The following FSTL5 variants were observed in gnomAD, a reference collection of about 807,000 sequenced individuals.
FSTL5 encodes follistatin like 5, also known as follistatin-related protein 5.
FSTL5 carries 62 observed loss-of-function variants against 89.1 expected under a neutral mutation model. That is an observed-to-expected ratio of 0.70 (90% CI 0.57 to 0.86). FSTL5 has a LOEUF of 0.86. Ranked by LOEUF, FSTL5 falls within the 40% of genes least tolerant of loss-of-function variation. The pLI is 0.00. For synonymous variants in FSTL5, 383 were observed against 346.2 expected, an observed-to-expected ratio of 1.11 and a Z score of -1.18; for missense variants, 1,057 against 1,001.6, an observed-to-expected ratio of 1.06 and a Z score of -0.75.
chr4:161,633,692 T>C (rs1467431721), intron 7 of FSTL5, among the ~76,000 whole-genome samples: 2 of 152,100 alleles, frequency 1.3e-5, no homozygotes, highest in Admixed American at 6.6e-5. Context: ...CTTTCTAAAA[T>C]ATCATGCTAG....
chr4:161,556,088 G>C (rs1732379708), intron 8 of FSTL5, among the ~76,000 whole-genome samples: 2 of 151,626 alleles, frequency 1.3e-5, no homozygotes, highest in South Asian at 4.1e-4. Context: ...ATACAATCTA[G>C]GAATAGATTT....
intron 4 of FSTL5, among the ~76,000 whole-genome samples, chr4:161,831,152 G>C (rs909216490): frequency 6.6e-6 from 1 of 151,730 alleles, no homozygotes; most frequent in Non-Finnish European, 1.5e-5. Flanking sequence ...CGATGGCTAT[G>C]TTCATTCTTC....
rs1368556807 is a variant in FSTL5 at position 162,058,949 on chromosome 4, G to A, written c.127-25291C>T. Among the ~76,000 whole-genome samples, 8 of 152,118 alleles carry A rather than the reference G, an allele frequency of 5.3e-5. No homozygotes were observed. The East Asian group carries it at 1.5e-3, about 29-fold the overall frequency. Reference sequence around the variant, plus strand: ...ACAATGGCATAATTGTATTGAAAATGTGAATTCACTAATTCTTTACCCTTG... The same window carrying A: ...ACAATGGCATAATTGTATTGAAAATATGAATTCACTAATTCTTTACCCTTG... On this transcript the variant is annotated intron_variant, in intron 2 of 15. Coordinates refer to ENST00000306100, the MANE Select transcript of FSTL5 (RefSeq NM_020116.5).
intron 4 of FSTL5, among the ~76,000 whole-genome samples, chr4:161,862,779 T>C (rs1419131093): frequency 6.6e-6 from 1 of 151,926 alleles, no homozygotes; most frequent in Non-Finnish European, 1.5e-5. Context: ...AACCTGGAAA[T>C]CCTCAACAGT....
intron 2 of FSTL5, among the ~76,000 whole-genome samples, chr4:162,104,035 G>A (rs577224015): frequency 1.1e-4 from 17 of 152,252 alleles, no homozygotes; most frequent in Non-Finnish European, 2.2e-4. Context: ...TCTGATCCGC[G>A]TTTGTTATGG....
At chr4:161,695,508 TCCA>T (rs1224302853) in intron 6 of FSTL5, among the ~76,000 whole-genome samples, 3 of 151,906 alleles carry the variant, frequency 2.0e-5, no homozygotes, top group Admixed American at 2.0e-4. Flanking sequence ...AGTTTCTTTA[TCCA>T]CTTGTCGATT....
intron 3 of FSTL5, among the ~76,000 whole-genome samples, chr4:162,010,520 TCAC>T (rs1475076738): frequency 1.3e-5 from 2 of 152,180 alleles, no homozygotes; most frequent in Non-Finnish European, 2.9e-5. Context: ...TGCACAACCA[TCAC>T]CACAATCTGA....
intron 15 of FSTL5, among the ~76,000 whole-genome samples, chr4:161,390,121 C>T (rs1241673385): frequency 6.6e-6 from 1 of 152,108 alleles, no homozygotes; most frequent in African/African-American, 2.4e-5. Context: ...GACAGTCTAG[C>T]TCACTCTACC....
intron 7 of FSTL5, among the ~76,000 whole-genome samples, chr4:161,633,137 G>A (rs953142907): frequency 1.3e-5 from 2 of 151,668 alleles, no homozygotes; most frequent in African/African-American, 2.4e-5. Context: ...TTTTAGGCCC[G>A]GGGTCACGTT....
intron 7 of FSTL5, among the ~76,000 whole-genome samples, chr4:161,631,746 C>A (rs533158759): frequency 2.2e-4 from 34 of 152,134 alleles, no homozygotes; most frequent in Non-Finnish European, 4.9e-4. Context: ...ACACAAATTA[C>A]TACAAAATTT....
chr4:161,952,033 T>A (rs1280859525), intron 3 of FSTL5, among the ~76,000 whole-genome samples: 1 of 152,048 alleles, frequency 6.6e-6, no homozygotes, highest in Non-Finnish European at 1.5e-5. Flanking sequence ...AATGAAAATA[T>A]AAGTATCTTG....
intron 4 of FSTL5, among the ~76,000 whole-genome samples, chr4:161,809,926 A>G (rs1369117418): frequency 6.6e-6 from 1 of 152,170 alleles, no homozygotes; most frequent in Non-Finnish European, 1.5e-5. Context: ...CCACACAACA[A>G]TGTAAAGGTA....
At chr4:161,702,311 G>A (rs1365891499) in intron 6 of FSTL5, among the ~76,000 whole-genome samples, 6 of 152,228 alleles carry the variant, frequency 3.9e-5, no homozygotes, top group African/African-American at 1.2e-4. Flanking sequence ...TGATAACGAC[G>A]TTTTAAAATT....
intron 4 of FSTL5, among the ~76,000 whole-genome samples, chr4:161,919,424 G>A (rs1343518237): frequency 1.3e-5 from 2 of 152,138 alleles, no homozygotes; most frequent in Admixed American, 1.3e-4. Context: ...AAATAATATT[G>A]TGTTAGAGAA....
chr4:161,902,440 G>T (rs996853727), intron 4 of FSTL5, among the ~76,000 whole-genome samples: 2 of 152,118 alleles, frequency 1.3e-5, no homozygotes, highest in African/African-American at 2.4e-5. Flanking sequence ...AATAATAAAA[G>T]AAATAGGGCT....
intron 8 of FSTL5, among the ~76,000 whole-genome samples, chr4:161,572,026 T>C (rs1222141268): frequency 6.6e-6 from 1 of 152,138 alleles, no homozygotes; most frequent in Non-Finnish European, 1.5e-5. Flanking sequence ...GCACTGATTA[T>C]GGGCCAGCCA....
At position 161,915,677 on chromosome 4, in the gene FSTL5, T is replaced by C. The variant is rs556060392; in HGVS notation, c.409+4727A>G. ...GAACTGGAAACACTGTGTGACAGTA[T>C]TCTGGCCTCGAAAATTTTATCTACA... On this transcript the variant is annotated intron_variant, in intron 4 of 15. Transcript: ENST00000306100. Among the ~76,000 whole-genome samples, 54 of 152,240 alleles carry C rather than the reference T, an allele frequency of 3.5e-4. 1 individual carries two copies. The highest frequency in any genetic ancestry group is 1.3e-3 in the African/African-American group (53 of 41,562).
chr4:162,156,438 G>A (rs1733475583), intron 1 of FSTL5, among the ~76,000 whole-genome samples: 1 of 152,174 alleles, frequency 6.6e-6, no homozygotes, highest in Non-Finnish European at 1.5e-5. Flanking sequence ...AACATACATG[G>A]ACTTGCATGC....
Position 161,695,624 on chromosome 4 carries a change from T to C in FSTL5, c.728-39130A>G, listed in dbSNP as rs548837806. 1.1e-4 allele frequency among the ~76,000 whole-genome samples: 16 copies of C among 152,218 alleles called. No homozygotes were observed. The East Asian group carries it at 2.9e-3, about 28-fold the overall frequency. ...TTCGTGTAATGACTGCCAACATCCT[T>C]TGTTTTTTGATTTTTTATTATGGCC... On this transcript the variant is annotated intron_variant, in intron 6 of 15. Transcript: ENST00000306100.
Sources: allele counts gnomAD v4.1 joint callset (sites outside exome capture counted in the v4.1 genomes callset), GRCh38; gene constraint gnomAD v4.1.1; transcripts MANE v1.5; gene names NCBI Gene and HGNC (gene_info 2026-07-23, HGNC 2026-07-21).